SUPT3H: variants seen among roughly 807,000 people sequenced by gnomAD.
SUPT3H encodes SPT3 homolog, SAGA and STAGA complex component, also known as transcription initiation protein SPT3 homolog.
Under a neutral mutation model 44.3 loss-of-function variants are expected in SUPT3H, and 44 were observed. That is an observed-to-expected ratio of 0.99 (90% CI 0.78 to 1.28). The LOEUF (loss-of-function observed/expected upper bound fraction) is 1.28. Ranked by LOEUF, SUPT3H falls within the 50% of genes most tolerant of loss-of-function variation. The pLI is 0.00. For missense variants in SUPT3H, 380 were observed against 387.1 expected (o/e 0.98, Z 0.15); for synonymous variants, 124 against 125.6 (o/e 0.99, Z 0.09).
chr6:44,936,493 C>T (rs546601471), intron 9 of SUPT3H, among the ~76,000 whole-genome samples: 23 of 152,078 alleles, frequency 1.5e-4, no homozygotes, highest in Non-Finnish European at 3.1e-4. Flanking sequence ...CCCCTACTTA[C>T]TCCCAACCTT....
At chr6:44,929,956 A>G (rs1447153788) in intron 10 of SUPT3H, among the ~76,000 whole-genome samples, 1 of 152,158 alleles carries the variant, frequency 6.6e-6, no homozygotes, top group Non-Finnish European at 1.5e-5. Flanking sequence ...GATATAAAAA[A>G]GCATAGGTAG....
rs1797037035 is a variant in SUPT3H, at chr6:45,377,784, C to G, written c.-17G>C. On this transcript the variant is annotated 5_prime_UTR_variant, in exon 1 of 11. Transcript: ENST00000371459. ...CCCTACAACCTCTGCTTTAAGAACC[C>G]TTGGAGGCACTGCTGCGCTTCCCGC... The G allele has an allele frequency of 6.5e-6, 1 of 152,790 alleles. No individual in the cohort carries two copies. Among genetic ancestry groups the G allele is most frequent in the Admixed American group, 6.5e-5 (1 of 15,290 alleles). 9.5% of individuals were successfully genotyped at this position (152,790 alleles called of 1,614,324 possible).
At chr6:44,859,054 A>C (rs1315389866) in intron 10 of SUPT3H, among the ~76,000 whole-genome samples, 1 of 152,210 alleles carries the variant, frequency 6.6e-6, no homozygotes, top group South Asian at 2.1e-4. Context: ...CAGAGTTTGC[A>C]TTACTTTAAC....
chr6:45,234,721 A>G (rs145103363), intron 2 of SUPT3H, among the ~76,000 whole-genome samples: 154 of 152,240 alleles, frequency 1.0e-3, no homozygotes, highest in African/African-American at 3.5e-3. Flanking sequence ...ATTCCACTTA[A>G]AAACTTTGAA....
intron 2 of SUPT3H, among the ~76,000 whole-genome samples, chr6:45,206,149 A>G (rs1487289531): frequency 2.0e-5 from 3 of 152,214 alleles, no homozygotes; most frequent in African/African-American, 7.2e-5. Context: ...ACTGAACAAA[A>G]CTGACTAAAA....
intron 2 of SUPT3H, among the ~76,000 whole-genome samples, chr6:45,156,237 CAAAG>C (rs1807799930): frequency 2.0e-5 from 3 of 152,112 alleles, no homozygotes. Context: ...CTATCAGAAA[CAAAG>C]AAACCCACAT....
chr6:45,352,223 G>C (rs1792214853), intron 2 of SUPT3H, among the ~76,000 whole-genome samples: 1 of 152,112 alleles, frequency 6.6e-6, no homozygotes, highest in Admixed American at 6.5e-5. Context: ...AATAACCTTT[G>C]ATCGTCTACC....
At chr6:45,243,455 C>A (rs1036755507) in intron 2 of SUPT3H, among the ~76,000 whole-genome samples, 3 of 151,712 alleles carry the variant, frequency 2.0e-5, no homozygotes, top group Non-Finnish European at 4.4e-5. Flanking sequence ...TAAACCTGAT[C>A]TTTTTAAAAG....
chr6:44,884,234 C>T (rs893311890), intron 10 of SUPT3H, among the ~76,000 whole-genome samples: 7 of 152,088 alleles, frequency 4.6e-5, no homozygotes, highest in Middle Eastern at 3.2e-3. Context: ...GACATTTATG[C>T]GGCCAACAAA....
intron 8 of SUPT3H, among the ~76,000 whole-genome samples, chr6:44,953,986 C>T (rs1456412541): frequency 6.6e-6 from 1 of 152,118 alleles, no homozygotes; most frequent in Non-Finnish European, 1.5e-5. Context: ...GATCCACCCA[C>T]CTCGGCCTCC....
chr6:44,861,250 T>C (rs1306664633), intron 10 of SUPT3H, among the ~76,000 whole-genome samples: 1 of 152,110 alleles, frequency 6.6e-6, no homozygotes, highest in African/African-American at 2.4e-5. Context: ...CTAGTTGTTT[T>C]ATTTTTGTAG....
At chr6:45,350,913 C>A (rs966403808) in intron 2 of SUPT3H, among the ~76,000 whole-genome samples, 1 of 152,132 alleles carries the variant, frequency 6.6e-6, no homozygotes, top group African/African-American at 2.4e-5. Context: ...ACAGCAAGAG[C>A]GAACACTACC....
At chr6:44,839,655 A>C (rs1770563388) in intron 10 of SUPT3H, among the ~76,000 whole-genome samples, 1 of 152,052 alleles carries the variant, frequency 6.6e-6, no homozygotes, top group Non-Finnish European at 1.5e-5. Flanking sequence ...CAACAGCCAA[A>C]TTAACAAAAT....
intron 2 of SUPT3H, among the ~76,000 whole-genome samples, chr6:45,167,774 A>G (rs1257462473): frequency 6.6e-6 from 1 of 150,670 alleles, no homozygotes; most frequent in Non-Finnish European, 1.5e-5. Context: ...TCAAGTTTTG[A>G]CTCCGATACT....
chr6:45,297,710 G>GT (rs1781514999), intron 2 of SUPT3H, among the ~76,000 whole-genome samples: 1 of 152,054 alleles, frequency 6.6e-6, no homozygotes, highest in Non-Finnish European at 1.5e-5. Flanking sequence ...TTGAAGTTCA[G>GT]TAAGATACTT....
chr6:45,236,525 T>C (rs1365496558), intron 2 of SUPT3H, among the ~76,000 whole-genome samples: 4 of 152,084 alleles, frequency 2.6e-5, no homozygotes, highest in Admixed American at 1.3e-4. Flanking sequence ...CAGATGTTCA[T>C]CCCTACCCTT....
In SUPT3H at chr6:45,365,209, C is replaced by T. The variant is rs1166953584; in HGVS notation, c.93G>A (p.Gln31=). The change falls in exon 2 of 11, where the codon CAG becomes CAA. Residue 31 remains glutamine (Q), a synonymous_variant. Coordinates refer to ENST00000371459, the MANE Select transcript of SUPT3H (RefSeq NM_003599.4). ...TGCAGGGACATACTTACATCATACT[C>T]TGTAATTCTGTTGCAAAGCTTATAG... is the stretch of plus-strand genomic sequence containing the variant. ...GKSISFATEL[Q]SMMYSLGDAR... 2 of 1,605,914 alleles carry T rather than the reference C, an allele frequency of 1.2e-6. No homozygotes were observed. The highest frequency in any genetic ancestry group is 2.7e-5 in the African/African-American group (2 of 74,668).
chr6:45,227,223 C>A (rs1767109906), intron 2 of SUPT3H, among the ~76,000 whole-genome samples: 1 of 150,944 alleles, frequency 6.6e-6, no homozygotes. Flanking sequence ...TTGAAGGAAA[C>A]TAGAATATGT....
chr6:45,026,753 TTATTA>T (rs1440298658), intron 3 of SUPT3H, among the ~76,000 whole-genome samples: 2 of 152,082 alleles, frequency 1.3e-5, no homozygotes, highest in Non-Finnish European at 2.9e-5. Flanking sequence ...ATCAGATGAC[TTATTA>T]TGAGAGGTGA....
Sources: allele counts gnomAD v4.1 joint callset (sites outside exome capture counted in the v4.1 genomes callset), GRCh38; gene constraint gnomAD v4.1.1; transcripts MANE v1.5; gene names NCBI Gene and HGNC (gene_info 2026-07-23, HGNC 2026-07-21).